STXBP4: variants seen among roughly 807,000 people sequenced by gnomAD.
STXBP4 encodes syntaxin binding protein 4.
Under a neutral mutation model 76.1 loss-of-function variants are expected in STXBP4, and 55 were observed. The observed-to-expected ratio is 0.72, with a 90% confidence interval of 0.58 to 0.91. The LOEUF is 0.91. STXBP4 is among the 40% of genes least tolerant of loss of function. STXBP4 has a pLI of 0.00. For missense variants in STXBP4, 618 were observed against 636.9 expected (o/e 0.97, Z 0.32); for synonymous variants, 201 against 220.2 (o/e 0.91, Z 0.77).
At chr17:55,017,474 C>T (rs1184343113) in intron 8 of STXBP4, among the ~76,000 whole-genome samples, 4 of 152,172 alleles carry the variant, frequency 2.6e-5, no homozygotes, top group Admixed American at 2.0e-4. Flanking sequence ...GGAGATACAA[C>T]TTGCTAGAGG....
At chr17:55,073,627 C>T (rs1370256965) in intron 13 of STXBP4, among the ~76,000 whole-genome samples, 2 of 152,044 alleles carry the variant, frequency 1.3e-5, no homozygotes, top group Non-Finnish European at 2.9e-5. Flanking sequence ...GAAGGCAGTG[C>T]GAACTTTTTG....
At chr17:55,077,694 T>C (rs1285136622) in intron 13 of STXBP4, among the ~76,000 whole-genome samples, 1 of 146,600 alleles carries the variant, frequency 6.8e-6, no homozygotes, top group Middle Eastern at 3.2e-3. Flanking sequence ...ATCGTGTGTG[T>C]GTGTGTGTGT....
At chr17:54,985,034 A>G (rs1280224754) in intron 1 of STXBP4, among the ~76,000 whole-genome samples, 1 of 152,198 alleles carries the variant, frequency 6.6e-6, no homozygotes, top group East Asian at 1.9e-4. Context: ...TTGGGAGGGA[A>G]AGAATATATG....
At chr17:55,024,909 A>G (rs1275495159) in intron 8 of STXBP4, among the ~76,000 whole-genome samples, 4 of 152,072 alleles carry the variant, frequency 2.6e-5, no homozygotes, top group Admixed American at 2.0e-4. Context: ...AGGCCGAGGC[A>G]GGTGGATCAC....
intron 16 of STXBP4, 71 bp downstream of exon 16, chr17:55,081,254 G>T: frequency 2.4e-6 from 3 of 1,263,922 alleles, no homozygotes; most frequent in Non-Finnish European, 3.1e-6. Flanking sequence ...TCAGACAGTT[G>T]AATTTCGTTA....
At chr17:55,192,828 A>G in the STXBP4 span, among the ~76,000 whole-genome samples, 95 of 152,282 alleles carry the variant, frequency 6.2e-4, 1 homozygote, top group African/African-American at 2.3e-3. Flanking sequence ...TTCAAACCTG[A>G]ACAGACACAG....
At chr17:55,191,466 C>T in the STXBP4 span, among the ~76,000 whole-genome samples, 1 of 152,120 alleles carries the variant, frequency 6.6e-6, no homozygotes, top group African/African-American at 2.4e-5. Context: ...AATGGAGGAT[C>T]CTTCTTATTT....
intron 16 of STXBP4, among the ~76,000 whole-genome samples, chr17:55,115,672 C>T (rs1053216686): frequency 1.1e-4 from 17 of 151,796 alleles, no homozygotes; most frequent in African/African-American, 4.1e-4. Flanking sequence ...AAAAAGTTTA[C>T]TTGCATATTT....
Position 55,081,273 on chromosome 17 carries a change from T to A in STXBP4, c.1489+90T>A, listed in dbSNP as rs2079251956. Reference sequence around the variant, plus strand: ...ACAGTTGAATTTCGTTATAGTGGCTTGCCTACAGCAAAGTTGATACCTAAT... The same window carrying A: ...ACAGTTGAATTTCGTTATAGTGGCTAGCCTACAGCAAAGTTGATACCTAAT... On this transcript the variant is annotated intron_variant, in intron 16 of 17. Coordinates refer to ENST00000376352, the MANE Select transcript of STXBP4 (RefSeq NM_178509.6). 7 of 1,057,620 alleles carry A rather than the reference T, an allele frequency of 6.6e-6. No homozygotes were observed. The East Asian group carries it at 2.3e-4, about 34-fold the overall frequency. 65.5% of individuals were successfully genotyped at this position (1,057,620 alleles called of 1,614,324 possible).
At chr17:55,092,171 G>A (rs1339817862) in intron 16 of STXBP4, among the ~76,000 whole-genome samples, 1 of 152,040 alleles carries the variant, frequency 6.6e-6, no homozygotes, top group Non-Finnish European at 1.5e-5. Context: ...AGGCTGGGAG[G>A]GGGTTAAGGG....
intron 12 of STXBP4, among the ~76,000 whole-genome samples, chr17:55,071,438 A>G (rs2099076309): frequency 6.6e-6 from 1 of 152,094 alleles, no homozygotes; most frequent in Admixed American, 6.6e-5. Flanking sequence ...TCACAGCTCC[A>G]TCTCAGGGCC....
chr17:55,055,910 T>C (rs1394065373), intron 12 of STXBP4, among the ~76,000 whole-genome samples: 1 of 152,220 alleles, frequency 6.6e-6, no homozygotes, highest in African/African-American at 2.4e-5. Flanking sequence ...GTAAGCTTCA[T>C]GAAGACAGCT....
Position 55,072,946 on chromosome 17 carries a change from T to C in STXBP4, c.1058T>C (p.Ile353Thr). ...VEETRALRSR[I>T]HLAEAAQRQA... ...GAAACAAGAGCCCTGCGTAGTCGGA[T>C]TCATCTTGCTGAAGCTGCTCAGAGA... Residue 353 changes from isoleucine to threonine, a missense_variant, in exon 13 of 18, where the codon ATT (isoleucine) becomes ACT (threonine). Ile to Thr is a moderately conservative substitution (Grantham distance 89, BLOSUM62 -1). Transcript: ENST00000376352. The C allele has an allele frequency of 6.2e-7, 1 of 1,613,806 alleles. No homozygotes were observed. Among genetic ancestry groups the C allele is most frequent in the Non-Finnish European group, 8.5e-7 (1 of 1,179,850 alleles).
intron 8 of STXBP4, among the ~76,000 whole-genome samples, chr17:55,015,491 A>G (rs761307613): frequency 6.6e-5 from 10 of 152,176 alleles, no homozygotes; most frequent in African/African-American, 1.7e-4. Context: ...ATATCTCTCC[A>G]TATCAGATCA....
chr17:55,132,893 G>A (rs922796427), intron 16 of STXBP4, among the ~76,000 whole-genome samples: 2 of 152,136 alleles, frequency 1.3e-5, no homozygotes, highest in Non-Finnish European at 2.9e-5. Context: ...TAGGCAGAAG[G>A]GCTAGCAAGT....
chr17:55,040,216 G>A (rs1446347478), intron 10 of STXBP4, among the ~76,000 whole-genome samples: 1 of 152,046 alleles, frequency 6.6e-6, no homozygotes, highest in East Asian at 1.9e-4. Flanking sequence ...AGTTGGTGGG[G>A]GCCATTTTCT....
rs2077899411 is a variant in STXBP4 at position 55,000,813 on chromosome 17, A to G, written c.504A>G (p.Lys168=). ...TTCCTCATTTTCTTTCACAGATAAA[A>G]ACTGGATACAACAAAACAGTACAGA... ...NNDILSSCEI[K]TGYNKTVQIP... is the part of the protein sequence containing the mutation. The change falls in exon 7 of 18, where the codon AAA becomes AAG. Residue 168 remains lysine (K), a synonymous_variant. Transcript: ENST00000376352. 6.2e-7 allele frequency: 1 copy of G among 1,608,358 alleles called. No homozygotes were observed. The highest frequency in any genetic ancestry group is 1.3e-5 in the African/African-American group (1 of 74,892).
At chr17:55,129,717 C>A (rs768581625) in intron 16 of STXBP4, among the ~76,000 whole-genome samples, 1 of 152,172 alleles carries the variant, frequency 6.6e-6, no homozygotes, top group Non-Finnish European at 1.5e-5. Flanking sequence ...AAAAAAGTGT[C>A]CCATCTCTAA....
At chr17:55,040,729 G>C (rs979646390) in intron 10 of STXBP4, among the ~76,000 whole-genome samples, 6 of 152,158 alleles carry the variant, frequency 3.9e-5, no homozygotes, top group Non-Finnish European at 1.5e-5. Flanking sequence ...TTTACCAGCT[G>C]TTGCAAAGTT....
Sources: allele counts gnomAD v4.1 joint callset (sites outside exome capture counted in the v4.1 genomes callset), GRCh38; gene constraint gnomAD v4.1.1; transcripts MANE v1.5; gene names NCBI Gene and HGNC (gene_info 2026-07-23, HGNC 2026-07-21).